Variants in PCDHA13 observed in about 807,000 individuals in gnomAD.
PCDHA13 encodes protocadherin alpha-13.
In PCDHA13, 54 loss-of-function variants were observed where a neutral mutation model predicts 64.8. The observed-to-expected ratio is 0.83, with a 90% CI of 0.67 to 1.04. PCDHA13 has a LOEUF of 1.04. Among genes scored for constraint, PCDHA13 ranks in the 50% least tolerant of loss-of-function variants. The pLI is 0.00. For missense variants in PCDHA13, 1,248 were observed against 1,254.3 expected (o/e 0.99, Z 0.08); for synonymous variants, 587 against 564.4 (o/e 1.04, Z -0.57).
chr5:140,905,809 A>C (rs1349964349), intron 1 of PCDHA13, among the ~76,000 whole-genome samples: 1 of 152,184 alleles, frequency 6.6e-6, no homozygotes, highest in East Asian at 1.9e-4. Context: ...GGACAGAATT[A>C]ATAGGCTAGA....
At chr5:140,914,451 C>A (rs879984519) in intron 1 of PCDHA13, among the ~76,000 whole-genome samples, 1 of 152,094 alleles carries the variant, frequency 6.6e-6, no homozygotes, top group Non-Finnish European at 1.5e-5. Context: ...TCTTTATTTT[C>A]CAGTCTATGT....
intron 3 of PCDHA13, among the ~76,000 whole-genome samples, chr5:140,993,826 C>T (rs1401311421): frequency 1.3e-5 from 2 of 152,134 alleles, no homozygotes; most frequent in African/African-American, 4.8e-5. Context: ...ATAGGCTATA[C>T]CATATAGCCT....
intron 1 of PCDHA13, among the ~76,000 whole-genome samples, chr5:140,899,326 T>G (rs1203153086): frequency 6.6e-6 from 1 of 152,230 alleles, no homozygotes; most frequent in Non-Finnish European, 1.5e-5. Flanking sequence ...TGGCTGTGGG[T>G]TTGTCATAGA....
intron 3 of PCDHA13, among the ~76,000 whole-genome samples, chr5:141,004,566 T>C (rs2098171206): frequency 6.6e-6 from 1 of 152,186 alleles, no homozygotes; most frequent in Non-Finnish European, 1.5e-5. Context: ...GATGAACATA[T>C]CTCTGTGTTC....
chr5:140,904,589 G>A (rs1562945664), intron 1 of PCDHA13, among the ~76,000 whole-genome samples: 1 of 151,976 alleles, frequency 6.6e-6, no homozygotes, highest in Non-Finnish European at 1.5e-5. Flanking sequence ...CCAGTAGTGG[G>A]ACTGCTGGAT....
At chr5:140,941,202 CCTTTCTTTCTTCCTTT>C (rs1307053809) in intron 1 of PCDHA13, among the ~76,000 whole-genome samples, 1 of 122,742 alleles carries the variant, frequency 8.1e-6, no homozygotes, top group Non-Finnish European at 1.8e-5. Context: ...TTTCTTTCTT[CCTTTCTTTCTTCCTTT>C]CTTTCTTTCT....
chr5:140,942,680 A>C (rs2093354394), intron 1 of PCDHA13, among the ~76,000 whole-genome samples: 1 of 152,218 alleles, frequency 6.6e-6, no homozygotes, highest in African/African-American at 2.4e-5. Context: ...AAGTTTTAGG[A>C]ATAACTTTAA....
At chr5:140,990,628 G>A (rs1380038956) in intron 3 of PCDHA13, among the ~76,000 whole-genome samples, 1 of 152,154 alleles carries the variant, frequency 6.6e-6, no homozygotes, top group African/African-American at 2.4e-5. Flanking sequence ...TCTGTGGTAA[G>A]ACTAGAAGCC....
chr5:140,971,787 A>G (rs1554233619), intron 1 of PCDHA13, among the ~76,000 whole-genome samples: 5 of 152,124 alleles, frequency 3.3e-5, no homozygotes, highest in Admixed American at 1.3e-4. Context: ...AGATTATTCA[A>G]TATATTGAAT....
At position 140,979,482 on chromosome 5, in the gene PCDHA13, C is replaced by A. The variant is rs568650143; in HGVS notation, c.2453+475C>A. On this transcript the variant is annotated intron_variant, in intron 2 of 3. Coordinates refer to ENST00000289272, the MANE Select transcript of PCDHA13 (RefSeq NM_018904.3). Reference sequence around the variant, plus strand: ...ATTGATTGCTATTGTTGTTTGTGTTCACACCTATTAGAGCCTCCTCATCTT... The same window carrying A: ...ATTGATTGCTATTGTTGTTTGTGTTAACACCTATTAGAGCCTCCTCATCTT... Among the ~76,000 whole-genome samples, 6 of 152,068 alleles carry A rather than the reference C, an allele frequency of 3.9e-5. No homozygotes were observed. In the South Asian group the frequency reaches 1.0e-3, roughly 26 times the overall value.
At chr5:140,900,559 G>T (rs542075943) in intron 1 of PCDHA13, among the ~76,000 whole-genome samples, 1 of 152,196 alleles carries the variant, frequency 6.6e-6, no homozygotes, top group Admixed American at 6.5e-5. Context: ...TTACAGGCGT[G>T]AGCCACGGCA....
intron 1 of PCDHA13, among the ~76,000 whole-genome samples, chr5:140,934,826 A>C (rs556197038): frequency 1.1e-4 from 17 of 152,294 alleles, no homozygotes; most frequent in South Asian, 1.0e-3. Context: ...TAACTTTGGC[A>C]AGTTGGGAAC....
intron 1 of PCDHA13, among the ~76,000 whole-genome samples, chr5:140,903,665 G>A (rs2070490056): frequency 6.6e-6 from 1 of 152,156 alleles, no homozygotes; most frequent in African/African-American, 2.4e-5. Context: ...AAATTTAACT[G>A]ATATAAAAGA....
rs782470468 is a variant in PCDHA13 at position 140,884,549 on chromosome 5, G to A, written c.2281G>A (p.Gly761Arg). 1.9e-6 allele frequency: 3 copies of A among 1,614,016 alleles called. No individual in the cohort carries two copies. The highest frequency in any genetic ancestry group is 1.3e-5 in the African/African-American group (1 of 74,936). Residue 761 changes from glycine to arginine, a missense_variant, in exon 1 of 4, where the codon GGG (glycine) becomes AGG (arginine). Physicochemically the swap from Gly to Arg is moderately radical, Grantham distance 125. Coordinates refer to ENST00000289272, the MANE Select transcript of PCDHA13 (RefSeq NM_018904.3). ...SQQRRPRVCS[G>R]EGPHKTDLMA... ...GCAGAGGCGGCCGAGGGTGTGCTCT[G>A]GGGAGGGCCCGCATAAGACGGACCT...
Position 141,009,998 on chromosome 5 carries a change from T to A in PCDHA13, c.*61T>A. On this transcript the variant is annotated 3_prime_UTR_variant, in exon 4 of 4. Transcript: ENST00000289272. ...TTGTAATAATGGCAAATCTCTCCCA[T>A]GTAGCAATTCCCTGCTCCTTTTTCC... 1 of 1,575,994 alleles carries A rather than the reference T, an allele frequency of 6.3e-7. No individual in the cohort carries two copies. Among genetic ancestry groups the A allele is most frequent in the Non-Finnish European group, 8.6e-7 (1 of 1,164,944 alleles).
intron 1 of PCDHA13, among the ~76,000 whole-genome samples, chr5:140,963,688 G>A (rs185853589): frequency 5.9e-5 from 9 of 152,274 alleles, no homozygotes; most frequent in Admixed American, 5.9e-4. Context: ...GTTTATCCGT[G>A]TTTGATATCT....
intron 1 of PCDHA13, among the ~76,000 whole-genome samples, chr5:140,977,726 C>T (rs368776202): frequency 2.0e-5 from 3 of 152,290 alleles, no homozygotes; most frequent in African/African-American, 7.2e-5. Flanking sequence ...GATCATTTCT[C>T]TCCTGGGTGT....
chr5:140,959,449 A>G (rs2095488988), intron 1 of PCDHA13, among the ~76,000 whole-genome samples: 1 of 152,196 alleles, frequency 6.6e-6, no homozygotes, highest in South Asian at 2.1e-4. Context: ...TTTTGTGCTG[A>G]AAAGCTGAAG....
chr5:140,954,316 C>T (rs1406547197), intron 1 of PCDHA13, among the ~76,000 whole-genome samples: 6 of 152,140 alleles, frequency 3.9e-5, no homozygotes, highest in South Asian at 4.1e-4. Context: ...GGGATTGCTG[C>T]GTCAAATGGT....
Sources: allele counts gnomAD v4.1 joint callset (sites outside exome capture counted in the v4.1 genomes callset), GRCh38; gene constraint gnomAD v4.1.1; transcripts MANE v1.5; gene names NCBI Gene and HGNC (gene_info 2026-07-23, HGNC 2026-07-21).